The following ZFHX3 variants were observed in gnomAD, a reference collection of about 807,000 sequenced individuals.
ZFHX3 encodes the protein zinc finger homeobox protein 3.
ZFHX3 carries 42 observed loss-of-function variants against 279.1 expected under a neutral mutation model. The observed-to-expected ratio is 0.15, with a 90% CI of 0.12 to 0.19. ZFHX3 has a LOEUF of 0.19. Ranked by LOEUF, ZFHX3 falls within the 10% of genes least tolerant of loss-of-function variation. ZFHX3 has a pLI of 1.00. For missense variants in ZFHX3, 4,981 were observed against 4,754.0 expected (o/e 1.05, Z -1.40); for synonymous variants, 2,293 against 1,957.8 (o/e 1.17, Z -4.52).
chr16:73,092,957 C>T (rs766408036), intron 8 of ZFHX3: 2 of 519,970 alleles, frequency 3.8e-6, no homozygotes, highest in Admixed American at 1.9e-5. Flanking sequence ...TGTATCCCTT[C>T]GTTTATGCTC....
intron 4 of ZFHX3, among the ~76,000 whole-genome samples, chr16:72,878,797 G>C (rs1410048430): frequency 6.6e-6 from 1 of 152,176 alleles, no homozygotes; most frequent in Non-Finnish European, 1.5e-5. Context: ...TCCCTACTCT[G>C]CTGCTGTCTA....
intron 4 of ZFHX3, among the ~76,000 whole-genome samples, chr16:72,851,704 A>G (rs2037621575): frequency 6.6e-6 from 1 of 151,760 alleles, no homozygotes; most frequent in Non-Finnish European, 1.5e-5. Context: ...ACAGGCCCCT[A>G]CCACCACGGC....
chr16:72,839,316 G>T (rs893915639), intron 4 of ZFHX3, among the ~76,000 whole-genome samples: 2 of 151,998 alleles, frequency 1.3e-5, no homozygotes, highest in African/African-American at 4.8e-5. Flanking sequence ...CCTTTCTTTG[G>T]ACAAAAACTA....
intron 2 of ZFHX3, among the ~76,000 whole-genome samples, chr16:73,529,104 C>A (rs529870680): frequency 6.6e-6 from 1 of 152,160 alleles, no homozygotes; most frequent in Admixed American, 6.5e-5. Flanking sequence ...TAGAGGTGGG[C>A]AGTTTTTCCT....
At chr16:72,951,101 C>A in intron 2 of ZFHX3, 136 bp from the exon 3 acceptor site, 3 of 1,244,326 alleles carry the variant, frequency 2.4e-6, no homozygotes, top group Non-Finnish European at 3.3e-6. Context: ...TTGCAAAGGG[C>A]TACTGGCTGG....
At chr16:73,135,944 A>G (rs1256012103) in intron 6 of ZFHX3, among the ~76,000 whole-genome samples, 1 of 148,736 alleles carries the variant, frequency 6.7e-6, no homozygotes, top group African/African-American at 2.5e-5. Flanking sequence ...TGCAACCTCC[A>G]CCTCCTGGGT....
chr16:73,607,790 G>A (rs953699513), intron 2 of ZFHX3, among the ~76,000 whole-genome samples: 17 of 152,226 alleles, frequency 1.1e-4, no homozygotes, highest in Non-Finnish European at 1.8e-4. Flanking sequence ...AGAAGGTCCT[G>A]TGCGGTGGCT....
At chr16:73,702,821 T>C (rs2053263008) in intron 1 of ZFHX3, among the ~76,000 whole-genome samples, 1 of 152,164 alleles carries the variant, frequency 6.6e-6, no homozygotes, top group African/African-American at 2.4e-5. Flanking sequence ...AGATCATGTA[T>C]CTAAGAGCTA....
intron 3 of ZFHX3, among the ~76,000 whole-genome samples, chr16:73,446,335 A>T (rs913362256): frequency 6.6e-6 from 1 of 152,212 alleles, no homozygotes; most frequent in South Asian, 2.1e-4. Context: ...AGGCCTCAGG[A>T]AACTTACAAT....
At chr16:73,498,242 A>G (rs533372439) in intron 2 of ZFHX3, among the ~76,000 whole-genome samples, 1 of 152,292 alleles carries the variant, frequency 6.6e-6, no homozygotes, top group East Asian at 1.9e-4. Flanking sequence ...TATGCAAAAT[A>G]TTTGCTCCAA....
chr16:72,816,016 T>C (rs1385700788), intron 5 of ZFHX3, among the ~76,000 whole-genome samples: 2 of 152,184 alleles, frequency 1.3e-5, no homozygotes, highest in Non-Finnish European at 2.9e-5. Flanking sequence ...TCATTGAGAA[T>C]GCAAATCAGA....
intron 2 of ZFHX3, among the ~76,000 whole-genome samples, chr16:73,562,595 C>CAA (rs35887424): frequency 0.047 from 4,817 of 102,242 alleles, 192 homozygotes; most frequent in African/African-American, 0.067. Flanking sequence ...GACTCCGTCT[C>CAA]AAAAAAAAAA....
chr16:72,872,327 A>T (rs1203117931), intron 4 of ZFHX3, among the ~76,000 whole-genome samples: 2 of 152,188 alleles, frequency 1.3e-5, no homozygotes, highest in Non-Finnish European at 2.9e-5. Flanking sequence ...TCCAATACAA[A>T]TAGCCCCAAA....
intron 2 of ZFHX3, among the ~76,000 whole-genome samples, chr16:73,563,403 C>T (rs1392598777): frequency 4.6e-5 from 7 of 151,810 alleles, no homozygotes; most frequent in East Asian, 1.9e-4. Context: ...ACTACAGGCA[C>T]GCGCCACCAT....
intron 1 of ZFHX3, among the ~76,000 whole-genome samples, chr16:73,819,330 T>C (rs1235170547): frequency 1.3e-5 from 2 of 150,632 alleles, no homozygotes; most frequent in Non-Finnish European, 3.0e-5. Context: ...AGTTTCTGCC[T>C]ACTAGATGCT....
At chr16:72,811,515 T>C (rs781298364) in intron 7 of ZFHX3, 62 bp downstream of exon 7, 36 of 1,428,912 alleles carry the variant, frequency 2.5e-5, no homozygotes, top group Non-Finnish European at 3.4e-5. Flanking sequence ...ATCTTGCCCA[T>C]GTTACTGCAT....
chr16:72,940,655 G>T (rs1045275623), intron 3 of ZFHX3, among the ~76,000 whole-genome samples: 1 of 152,202 alleles, frequency 6.6e-6, no homozygotes, highest in Non-Finnish European at 1.5e-5. Context: ...CAGCAGGTGG[G>T]TGTAAACCCC....
intron 9 of ZFHX3, chr16:72,790,284 A>C (rs1046230834): frequency 6.6e-6 from 1 of 152,538 alleles, no homozygotes; most frequent in East Asian, 1.9e-4. Context: ...TCCCACAGGC[A>C]ACAGCTCTCA....
At chr16:73,754,496 G>C (rs535924994) in intron 1 of ZFHX3, among the ~76,000 whole-genome samples, 63 of 151,920 alleles carry the variant, frequency 4.1e-4, no homozygotes, top group Non-Finnish European at 6.6e-4. Flanking sequence ...AGCATCTTTG[G>C]TTTTCCACCG....
Sources: allele counts gnomAD v4.1 joint callset (sites outside exome capture counted in the v4.1 genomes callset), GRCh38; gene constraint gnomAD v4.1.1; transcripts MANE v1.5; gene names NCBI Gene and HGNC (gene_info 2026-07-23, HGNC 2026-07-21).